ADGRL3: variants seen among roughly 807,000 people sequenced by gnomAD.
ADGRL3 encodes calcium-independent alpha-latrotoxin receptor 3.
A neutral mutation model predicts 153.5 loss-of-function variants in ADGRL3; 62 were observed. The ratio of observed to expected loss-of-function variants is 0.40; its 90% CI spans 0.33 to 0.50. ADGRL3 has a LOEUF of 0.50. Among genes scored for constraint, ADGRL3 ranks in the 20% least tolerant of loss-of-function variants. The pLI is 0.47. For synonymous variants in ADGRL3, 710 were observed against 672.5 expected, an observed-to-expected ratio of 1.06 and a Z score of -0.86; for missense variants, 1,641 against 1,859.4, an observed-to-expected ratio of 0.88 and a Z score of 2.16.
chr4:61,492,179 T>C (rs969967530), intron 2 of ADGRL3, among the ~76,000 whole-genome samples: 2 of 152,124 alleles, frequency 1.3e-5, no homozygotes, highest in Admixed American at 6.6e-5. Context: ...TCAGAAAACA[T>C]TGGCCTCCAA....
intron 3 of ADGRL3, among the ~76,000 whole-genome samples, chr4:61,509,689 C>T (rs2098452881): frequency 6.6e-6 from 1 of 151,852 alleles, no homozygotes; most frequent in Admixed American, 6.6e-5. Context: ...TGGGTTGATT[C>T]CATGTCTTTG....
At chr4:61,338,090 C>A (rs1013120745) in intron 1 of ADGRL3, among the ~76,000 whole-genome samples, 11 of 151,754 alleles carry the variant, frequency 7.2e-5, no homozygotes, top group Non-Finnish European at 1.2e-4. Flanking sequence ...CATGGTGAAG[C>A]CCCATCTCTA....
chr4:61,724,599 T>C (rs1010312153), intron 6 of ADGRL3, among the ~76,000 whole-genome samples: 1 of 152,318 alleles, frequency 6.6e-6, no homozygotes, highest in East Asian at 1.9e-4. Flanking sequence ...TGAGCAGCAC[T>C]TTTATTCAGT....
chr4:61,719,604 CT>C (rs11383976), intron 6 of ADGRL3, among the ~76,000 whole-genome samples: 85 of 137,012 alleles, frequency 6.2e-4, no homozygotes, highest in Middle Eastern at 3.8e-3. Context: ...TCTGTCATAC[CT>C]TTTTTTTTTT....
chr4:61,912,597 A>G (rs12503398), intron 12 of ADGRL3, 122 bp from the exon 13 acceptor site: 238,180 of 804,254 alleles, frequency 0.3, 37,489 homozygotes, highest in East Asian at 0.47. Flanking sequence ...TTTCTTCTGA[A>G]AAGTAGTGAA....
At chr4:62,015,842 A>G (rs1195417330) in intron 21 of ADGRL3, among the ~76,000 whole-genome samples, 3 of 151,898 alleles carry the variant, frequency 2.0e-5, no homozygotes, top group Non-Finnish European at 4.4e-5. Context: ...TATTACAAAT[A>G]TCTTCTTCAA....
chr4:62,042,701 A>G (rs991593898), intron 24 of ADGRL3, among the ~76,000 whole-genome samples: 1 of 152,114 alleles, frequency 6.6e-6, no homozygotes. Context: ...GACTCCCTAG[A>G]CAAGGACATA....
intron 2 of ADGRL3, among the ~76,000 whole-genome samples, chr4:61,477,129 A>G (rs1448281586): frequency 3.3e-5 from 5 of 152,140 alleles, no homozygotes; most frequent in Non-Finnish European, 7.4e-5. Context: ...AGTTCAATAC[A>G]TCTAAACTTA....
intron 6 of ADGRL3, among the ~76,000 whole-genome samples, chr4:61,723,355 A>T (rs2096272191): frequency 6.6e-6 from 1 of 152,170 alleles, no homozygotes; most frequent in Non-Finnish European, 1.5e-5. Context: ...GGATAAGATT[A>T]ATGACACGGA....
chr4:61,601,232 A>G (rs1331784042), intron 5 of ADGRL3, among the ~76,000 whole-genome samples: 2 of 152,222 alleles, frequency 1.3e-5, no homozygotes, highest in African/African-American at 2.4e-5. Flanking sequence ...GCGAATTTCA[A>G]TAAAGATACT....
At position 61,767,740 on chromosome 4, in the gene ADGRL3, C is replaced by A. The variant is rs1405638995; in HGVS notation, c.1399+34186C>A. ...GTTCCTTGGCCCAGTGGCCAGATTT[C>A]CGGCATGTGTAGCAAGTTCCTGGGG... On this transcript the variant is annotated intron_variant, in intron 8 of 26. Coordinates refer to ENST00000683033, the MANE Select transcript of ADGRL3 (RefSeq NM_001387552.1). Among the ~76,000 whole-genome samples the A allele has an allele frequency of 3.3e-5, 5 of 152,258 alleles. No homozygotes were observed. In the South Asian group the frequency reaches 8.3e-4, roughly 25 times the overall value.
chr4:61,516,312 GT>G (rs1378584561), intron 3 of ADGRL3, among the ~76,000 whole-genome samples: 1 of 151,906 alleles, frequency 6.6e-6, no homozygotes, highest in Admixed American at 6.6e-5. Flanking sequence ...CCTGTTTAAT[GT>G]TAGCCACATA....
rs758755904 is a variant in ADGRL3 at position 62,070,732 on chromosome 4, G to A, written c.4456G>A (p.Asp1486Asn). 4.8e-5 allele frequency: 75 copies of A among 1,551,516 alleles called. No homozygotes were observed. The highest frequency in any genetic ancestry group is 3.1e-5 in the Non-Finnish European group (35 of 1,146,980). Residue 1486 changes from aspartate (D) to asparagine (N), a missense_variant, in exon 27 of 27, where the codon GAT becomes AAT. Around this residue, in one of 5 missense-constraint regions of ADGRL3, gnomAD observed 517 missense variants for 555.0 expected, o/e 0.93. Coordinates refer to ENST00000683033, the MANE Select transcript of ADGRL3 (RefSeq NM_001387552.1). Reference protein sequence around the residue: ...PPPAKCGDAEDVYYKSMPNLG... With the variant: ...PPPAKCGDAENVYYKSMPNLG... ...ACCGGCCAAATGTGGTGATGCCGAA[G>A]ATGTTTACTACAAAAGCATGCCAAA...
chr4:61,284,391 T>G (rs1431030810), intron 1 of ADGRL3, among the ~76,000 whole-genome samples: 1 of 151,918 alleles, frequency 6.6e-6, no homozygotes, highest in East Asian at 1.9e-4. Flanking sequence ...GTTATTCCAT[T>G]GCTTTTAGTG....
chr4:61,958,381 C>T (rs1560430624), intron 17 of ADGRL3, among the ~76,000 whole-genome samples: 3 of 81,540 alleles, frequency 3.7e-5, no homozygotes, highest in Non-Finnish European at 5.7e-5. Flanking sequence ...GTAAAGGTTT[C>T]TTTCTTTCTT....
intron 7 of ADGRL3, among the ~76,000 whole-genome samples, chr4:61,731,557 G>A (rs72638565): frequency 0.12 from 18,338 of 151,882 alleles, 1,500 homozygotes; most frequent in Middle Eastern, 0.19. Context: ...TAGGTTCAGC[G>A]GAATTCTATA....
intron 1 of ADGRL3, among the ~76,000 whole-genome samples, chr4:61,282,872 T>C (rs992382623): frequency 6.6e-6 from 1 of 152,056 alleles, no homozygotes; most frequent in African/African-American, 2.4e-5. Flanking sequence ...TTAAACCTAT[T>C]CATAGAGCAT....
intron 3 of ADGRL3, 78 bp downstream of exon 3, chr4:61,497,426 C>A (rs552409488): frequency 2.4e-6 from 2 of 821,226 alleles, no homozygotes; most frequent in African/African-American, 1.8e-5. Flanking sequence ...GGGATCTTTT[C>A]TCTGAGACTG....
chr4:61,637,990 T>G (rs1192531824), intron 5 of ADGRL3, among the ~76,000 whole-genome samples: 1 of 152,156 alleles, frequency 6.6e-6, no homozygotes, highest in Non-Finnish European at 1.5e-5. Flanking sequence ...CAGTTTCTCT[T>G]AAAAATTAAT....
Sources: allele counts gnomAD v4.1 joint callset (sites outside exome capture counted in the v4.1 genomes callset), GRCh38; gene constraint gnomAD v4.1.1; regional missense constraint gnomAD v4.1.1; transcripts MANE v1.5; gene names NCBI Gene and HGNC (gene_info 2026-07-23, HGNC 2026-07-21).